Variants in THSD7A observed in about 807,000 individuals in gnomAD.
The protein encoded by THSD7A is thrombospondin type 1 domain containing 7A.
Under a neutral mutation model 231.3 loss-of-function variants are expected in THSD7A, and 96 were observed. The observed-to-expected ratio is 0.41, with a 90% confidence interval of 0.35 to 0.49. The LOEUF (loss-of-function observed/expected upper bound fraction) is 0.49. Among genes scored for constraint, THSD7A ranks in the 20% least tolerant of loss-of-function variants. The pLI is 0.05. For missense variants in THSD7A, 2,290 were observed against 2,070.2 expected (o/e 1.11, Z -2.06); for synonymous variants, 940 against 743.3 (o/e 1.26, Z -4.30).
At chr7:11,700,333 A>G (rs1780547451) in intron 1 of THSD7A, among the ~76,000 whole-genome samples, 1 of 151,230 alleles carries the variant, frequency 6.6e-6, no homozygotes, top group African/African-American at 2.4e-5. Flanking sequence ...ACTCATCTCA[A>G]ATACATCCCA....
rs567473271 is a variant in THSD7A at position 11,508,291 on chromosome 7, T to TA, written c.1823-26310dup. On this transcript the variant is annotated intron_variant, in intron 6 of 27. Coordinates refer to ENST00000423059, the MANE Select transcript of THSD7A (RefSeq NM_015204.3). Reference sequence around the variant, plus strand: ...GATAGACATTTCTTCAAAGAAGAAATACAGCGAGCCAACAAGTATTTGAAA... The same window carrying TA: ...GATAGACATTTCTTCAAAGAAGAAATAACAGCGAGCCAACAAGTATTTGAAA... 7.2e-5 allele frequency among the ~76,000 whole-genome samples: 11 copies of TA among 152,296 alleles called. No homozygotes were observed. In the South Asian group the frequency reaches 1.9e-3, roughly 26 times the overall value.
At chr7:11,400,849 C>A (rs1057216204) in intron 23 of THSD7A, among the ~76,000 whole-genome samples, 4 of 152,136 alleles carry the variant, frequency 2.6e-5, no homozygotes, top group Admixed American at 1.3e-4. Flanking sequence ...TATTTCAGAA[C>A]ATCAGCAGCA....
chr7:11,476,596 T>G (rs1287606134), intron 7 of THSD7A, among the ~76,000 whole-genome samples: 1 of 152,010 alleles, frequency 6.6e-6, no homozygotes, highest in African/African-American at 2.4e-5. Flanking sequence ...GTGGGCAGAT[T>G]GCCTGAGCTC....
intron 2 of THSD7A, among the ~76,000 whole-genome samples, chr7:11,604,224 T>C (rs923771451): frequency 4.5e-4 from 69 of 152,124 alleles, no homozygotes; most frequent in Non-Finnish European, 7.5e-4. Flanking sequence ...TTAGTACTGA[T>C]GAAGAAACTG....
At chr7:11,667,503 T>C (rs769955509) in intron 1 of THSD7A, among the ~76,000 whole-genome samples, 10 of 152,130 alleles carry the variant, frequency 6.6e-5, no homozygotes, top group Non-Finnish European at 1.2e-4. Context: ...CTTGAAATAC[T>C]GGTGATTATA....
intron 6 of THSD7A, among the ~76,000 whole-genome samples, chr7:11,518,673 A>G (rs538466960): frequency 6.6e-6 from 1 of 152,094 alleles, no homozygotes; most frequent in African/African-American, 2.4e-5. Context: ...TGTATCACCC[A>G]AAAAGTATTT....
At chr7:11,614,204 GA>G (rs1335873809) in intron 2 of THSD7A, among the ~76,000 whole-genome samples, 1 of 152,142 alleles carries the variant, frequency 6.6e-6, no homozygotes, top group Non-Finnish European at 1.5e-5. Flanking sequence ...TAATCCACTG[GA>G]AAATTCTTGG....
In THSD7A at chr7:11,493,223, C is replaced by T. The variant is rs1419184490; in HGVS notation, c.1823-11241G>A. 2.6e-5 allele frequency among the ~76,000 whole-genome samples: 4 copies of T among 152,144 alleles called. No individual in the cohort carries two copies. The South Asian group carries it at 8.3e-4, about 32-fold the overall frequency. ...TCAAATCATGGTTAATGAATATTTGCAGAAAACAAGGCAGAGAGTTCTATA... is the reference window on the plus strand; with the variant it reads ...TCAAATCATGGTTAATGAATATTTGTAGAAAACAAGGCAGAGAGTTCTATA... On this transcript the variant is annotated intron_variant, in intron 6 of 27. Coordinates refer to ENST00000423059, the MANE Select transcript of THSD7A (RefSeq NM_015204.3).
At chr7:11,736,651 T>G (rs1430436997) in intron 1 of THSD7A, among the ~76,000 whole-genome samples, 2 of 152,042 alleles carry the variant, frequency 1.3e-5, no homozygotes, top group African/African-American at 4.8e-5. Flanking sequence ...TCATTTATGT[T>G]GAAATGTAAA....
At chr7:11,723,251 C>G (rs1001396174) in intron 1 of THSD7A, among the ~76,000 whole-genome samples, 1 of 138,464 alleles carries the variant, frequency 7.2e-6, no homozygotes, top group Non-Finnish European at 1.5e-5. Context: ...CGCATGTCCT[C>G]AATCATAGGT....
At chr7:11,398,955 C>T (rs1041561569) in intron 23 of THSD7A, among the ~76,000 whole-genome samples, 1 of 152,186 alleles carries the variant, frequency 6.6e-6, no homozygotes, top group Admixed American at 6.5e-5. Context: ...TTCCTCACAT[C>T]CCGTTGTTTA....
chr7:11,487,465 C>T (rs1400638913), intron 6 of THSD7A, among the ~76,000 whole-genome samples: 2 of 151,990 alleles, frequency 1.3e-5, no homozygotes, highest in Non-Finnish European at 2.9e-5. Context: ...AGCAATTGAG[C>T]AAGAATGCAA....
In THSD7A at chr7:11,406,499, A is replaced by G. The variant is rs748810863; in HGVS notation, c.4063-25T>C. ...CCTGGAATGGAGGAAGAAATAACTA[A>G]TTAGAAAAAGAGAAATACTTCATTA... On this transcript the variant is annotated intron_variant, in intron 21 of 27. Coordinates refer to ENST00000423059, the MANE Select transcript of THSD7A (RefSeq NM_015204.3). The surrounding 1 kb of genome is among the most constrained non-coding windows in gnomAD (Gnocchi z 4.7). 1 of 1,583,964 alleles carries G rather than the reference A, an allele frequency of 6.3e-7. No individual in the cohort carries two copies. Among genetic ancestry groups the G allele is most frequent in the Non-Finnish European group, 8.6e-7 (1 of 1,166,608 alleles).
At position 11,634,307 on chromosome 7, in the gene THSD7A, T is replaced by C. The variant is rs1040782297; in HGVS notation, c.1022+1823A>G. Among the ~76,000 whole-genome samples, 1 of 152,182 alleles carries C rather than the reference T, an allele frequency of 6.6e-6. No homozygotes were observed. The highest frequency in any genetic ancestry group is 2.4e-5 in the African/African-American group (1 of 41,448). On this transcript the variant is annotated intron_variant, in intron 2 of 27. Coordinates refer to ENST00000423059, the MANE Select transcript of THSD7A (RefSeq NM_015204.3). The surrounding 1 kb of genome is among the most constrained non-coding windows in gnomAD (Gnocchi z 4.1). ...AATATGTTTGTTTAATTCAAACAAC[T>C]GGATGAGAATATTAGGCTCTATGCA... is the stretch of plus-strand genomic sequence containing the variant.
At chr7:11,584,951 A>C (rs1791332592) in intron 4 of THSD7A, among the ~76,000 whole-genome samples, 1 of 152,206 alleles carries the variant, frequency 6.6e-6, no homozygotes, top group South Asian at 2.1e-4. Context: ...TTCAAGAGAT[A>C]ATTTTCAGAC....
At chr7:11,660,247 A>G (rs142503674) in intron 1 of THSD7A, among the ~76,000 whole-genome samples, 1 of 151,714 alleles carries the variant, frequency 6.6e-6, no homozygotes, top group African/African-American at 2.4e-5. Context: ...TTCAAAAGAG[A>G]TATGGTTACT....
In THSD7A at chr7:11,821,008, C is replaced by A; in HGVS notation, c.190+10749G>T. The A allele has an allele frequency of 3.9e-6, 4 of 1,022,340 alleles. 1 individual carries two copies. The South Asian group carries it at 5.7e-5, about 15-fold the overall frequency. The allele number at this position is 1,022,340 out of a possible 1,614,324, so 63.3% of individuals were successfully genotyped here. ...GGATCATCTCTGTATTTTCCCTCAG[C>A]CTTGTAGCCAGGTTTTCTGGGACTT... On this transcript the variant is annotated intron_variant, in intron 1 of 27. Coordinates refer to ENST00000423059, the MANE Select transcript of THSD7A (RefSeq NM_015204.3).
intron 1 of THSD7A, among the ~76,000 whole-genome samples, chr7:11,761,160 T>C (rs543194661): frequency 6.6e-6 from 1 of 152,078 alleles, no homozygotes; most frequent in African/African-American, 2.4e-5. Context: ...AACATCTTTT[T>C]AGATCTTTAT....
At chr7:11,661,506 ATC>A (rs1782927364) in intron 1 of THSD7A, among the ~76,000 whole-genome samples, 1 of 151,126 alleles carries the variant, frequency 6.6e-6, no homozygotes, top group African/African-American at 2.4e-5. Context: ...AAAATGCAAA[ATC>A]AGTTTTTATG....
Sources: allele counts gnomAD v4.1 joint callset (sites outside exome capture counted in the v4.1 genomes callset), GRCh38; gene constraint gnomAD v4.1.1; non-coding constraint Gnocchi (gnomAD v3.1); transcripts MANE v1.5; gene names NCBI Gene and HGNC (gene_info 2026-07-23, HGNC 2026-07-21).